The following TTC21B variants were observed in gnomAD, a reference collection of about 807,000 sequenced individuals.
TTC21B encodes tetratricopeptide repeat domain 21B, also known as tetratricopeptide repeat protein 21B.
A neutral mutation model predicts 175.1 loss-of-function variants in TTC21B; 127 were observed. That is an observed-to-expected ratio of 0.73 (90% CI 0.63 to 0.84). The LOEUF (loss-of-function observed/expected upper bound fraction) is 0.84. Ranked by LOEUF, TTC21B falls within the 40% of genes least tolerant of loss-of-function variation. The pLI is 0.00. For synonymous variants in TTC21B, 524 were observed against 524.5 expected, an observed-to-expected ratio of 1.00 and a Z score of 0.01; for missense variants, 1,561 against 1,558.3, an observed-to-expected ratio of 1.00 and a Z score of -0.03.
chr2:165,898,953 G>A (rs973560820), intron 21 of TTC21B, among the ~76,000 whole-genome samples, 186 bp from the exon 22 acceptor site: 2 of 152,196 alleles, frequency 1.3e-5, no homozygotes, highest in African/African-American at 4.8e-5. Flanking sequence ...CAGTGTAACA[G>A]AAGATAATCA....
intron 19 of TTC21B, among the ~76,000 whole-genome samples, chr2:165,905,662 G>C (rs971063906): frequency 2.0e-5 from 3 of 151,880 alleles, no homozygotes; most frequent in African/African-American, 4.8e-5. Flanking sequence ...AAAATACATA[G>C]AACTAAATGG....
chr2:165,940,427 C>G (rs548635267), intron 6 of TTC21B, among the ~76,000 whole-genome samples: 1 of 152,166 alleles, frequency 6.6e-6, no homozygotes, highest in Non-Finnish European at 1.5e-5. Context: ...CCATCTAGCA[C>G]GGGCTCACTC....
intron 25 of TTC21B, among the ~76,000 whole-genome samples, chr2:165,884,669 T>C (rs1393431514): frequency 6.6e-6 from 1 of 152,226 alleles, no homozygotes; most frequent in African/African-American, 2.4e-5. Context: ...CCTAAAACAA[T>C]CTATATGATA....
chr2:165,906,765 G>A (rs1249407990), intron 19 of TTC21B, among the ~76,000 whole-genome samples: 1 of 151,936 alleles, frequency 6.6e-6, no homozygotes, highest in Non-Finnish European at 1.5e-5. Context: ...GACCAACATG[G>A]TGAAACCCTG....
At chr2:165,880,581 GTTTAT>G (rs1684804081) in intron 27 of TTC21B, 93 bp downstream of exon 27, 9 of 1,311,732 alleles carry the variant, frequency 6.9e-6, no homozygotes, top group Non-Finnish European at 8.6e-6. Context: ...TTGACTCAAT[GTTTAT>G]TTTGTTTTGA....
At chr2:165,903,110 T>C (rs1370458877) in intron 19 of TTC21B, among the ~76,000 whole-genome samples, 14 of 152,186 alleles carry the variant, frequency 9.2e-5, no homozygotes, top group Admixed American at 9.2e-4. Flanking sequence ...GGAACAAATA[T>C]TGGCAACAGA....
chr2:165,920,258 AT>A (rs973233184), intron 12 of TTC21B, among the ~76,000 whole-genome samples: 1 of 152,120 alleles, frequency 6.6e-6, no homozygotes, highest in Non-Finnish European at 1.5e-5. Flanking sequence ...AGCCTAAATG[AT>A]TTTCTGTTCA....
intron 6 of TTC21B, among the ~76,000 whole-genome samples, chr2:165,935,279 T>C (rs1687087368): frequency 6.6e-6 from 1 of 152,186 alleles, no homozygotes; most frequent in Non-Finnish European, 1.5e-5. Context: ...TAGCCTACCC[T>C]AACAAATACA....
At position 165,919,410 on chromosome 2, in the gene TTC21B, T is replaced by C; in HGVS notation, c.1540A>G (p.Asn514Asp). 6.2e-7 allele frequency: 1 copy of C among 1,614,086 alleles called. No homozygotes were observed. Among genetic ancestry groups the C allele is most frequent in the South Asian group, 1.1e-5 (1 of 91,076 alleles). Residue 514 changes from asparagine to aspartate, a missense_variant, in exon 13 of 29, where the codon AAC (asparagine) becomes GAC (aspartate). By Grantham distance (23) the Asn-to-Asp change is conservative. Coordinates refer to ENST00000243344, the MANE Select transcript of TTC21B (RefSeq NM_024753.5). Reference sequence around the variant, plus strand: ...TTGTGTTCTAAGCAGTGCTGAAGGTTATTGAAAGCTGCTTCAATATCACCT... The same window carrying C: ...TTGTGTTCTAAGCAGTGCTGAAGGTCATTGAAAGCTGCTTCAATATCACCT... Reference protein sequence around the residue: ...LSGDIEAAFNNLQHCLEHNPS... With the variant: ...LSGDIEAAFNDLQHCLEHNPS...
At chr2:165,946,138 G>A (rs1010244613) in intron 3 of TTC21B, among the ~76,000 whole-genome samples, 47 of 144,282 alleles carry the variant, frequency 3.3e-4, no homozygotes, top group Non-Finnish European at 4.9e-4. Flanking sequence ...ATCCTGGCTA[G>A]CACGGTGAAA....
At chr2:165,936,098 T>A (rs1341695321) in intron 6 of TTC21B, among the ~76,000 whole-genome samples, 1 of 104,964 alleles carries the variant, frequency 9.5e-6, no homozygotes, top group Admixed American at 9.9e-5. Context: ...GAGAGTAGTG[T>A]GGTATTGGTG....
At chr2:165,951,811 T>G (rs1006207223) in intron 1 of TTC21B, among the ~76,000 whole-genome samples, 5 of 152,184 alleles carry the variant, frequency 3.3e-5, no homozygotes, top group Non-Finnish European at 7.3e-5. Context: ...AAATATAATG[T>G]AGTAAATGTA....
chr2:165,885,896 A>C (rs1684984352), intron 25 of TTC21B, among the ~76,000 whole-genome samples: 1 of 152,198 alleles, frequency 6.6e-6, no homozygotes, highest in Admixed American at 6.5e-5. Flanking sequence ...TTTAGATTGC[A>C]AAGGACAAGA....
At chr2:165,924,756 G>A in intron 11 of TTC21B, 78 bp from the exon 12 acceptor site, 1 of 1,471,860 alleles carries the variant, frequency 6.8e-7, no homozygotes, top group Non-Finnish European at 9.2e-7. Flanking sequence ...ATTAATTTTA[G>A]TATAACTAAC....
intron 6 of TTC21B, among the ~76,000 whole-genome samples, chr2:165,935,342 C>A (rs1687089685): frequency 6.6e-6 from 1 of 152,120 alleles, no homozygotes; most frequent in Non-Finnish European, 1.5e-5. Context: ...CAGATATAGT[C>A]CTACATGTGT....
At chr2:165,916,477 A>T (rs1017887025) in intron 14 of TTC21B, among the ~76,000 whole-genome samples, 7 of 152,176 alleles carry the variant, frequency 4.6e-5, no homozygotes, top group Non-Finnish European at 4.4e-5. Context: ...TATTATTTTT[A>T]AAAATATCTG....
intron 3 of TTC21B, chr2:165,947,390 A>G (rs1020380270): frequency 2.6e-5 from 4 of 151,438 alleles, no homozygotes; most frequent in Non-Finnish European, 5.9e-5. Flanking sequence ...TAAATGTGAA[A>G]TTAACAAGGT....
intron 11 of TTC21B, among the ~76,000 whole-genome samples, chr2:165,926,842 T>C (rs1452352958): frequency 6.6e-6 from 1 of 151,532 alleles, no homozygotes; most frequent in Non-Finnish European, 1.5e-5. Context: ...CCCTTGAACA[T>C]TGGACTCCAA....
Position 165,941,050 on chromosome 2 carries a change from G to A in TTC21B, c.687C>T (p.Asp229=). Residue 229 remains aspartate (D), a synonymous_variant, in exon 6 of 29, where the codon GAC becomes GAT. Transcript: ENST00000243344. The part of the protein sequence containing the change: ...MKLQLALQDW[D]QTVETAQRLL... ...ACCTTTGTGCTGTCTCAACTGTCTG[G>A]TCCCAATCCTGCAAGGCTAGTTGTA... is the stretch of plus-strand genomic sequence containing the variant. 1 of 1,613,874 alleles carries A rather than the reference G, an allele frequency of 6.2e-7. No homozygotes were observed.
Sources: gnomAD v4.1 joint callset for allele counts (sites outside exome capture counted in the v4.1 genomes callset) on GRCh38, gnomAD v4.1.1 for gene constraint, MANE v1.5 for transcripts, NCBI Gene and HGNC (gene_info 2026-07-23, HGNC 2026-07-21) for gene names.